Variants in MICU1 observed in about 807,000 individuals in gnomAD.
MICU1 encodes calcium uptake protein 1, mitochondrial.
Under a neutral mutation model 56.8 loss-of-function variants are expected in MICU1, and 45 were observed. The observed-to-expected ratio is 0.79, with a 90% CI of 0.62 to 1.02. The LOEUF is 1.02. Among genes scored for constraint, MICU1 ranks in the 50% least tolerant of loss-of-function variants. MICU1 has a pLI of 0.00. For synonymous variants in MICU1, 186 were observed against 195.1 expected (o/e 0.95, Z 0.39); for missense variants, 504 against 587.1 (o/e 0.86, Z 1.46).
intron 8 of MICU1, among the ~76,000 whole-genome samples, chr10:72,429,406 C>T (rs188196848): frequency 0.018 from 2,193 of 122,156 alleles, 47 homozygotes; most frequent in African/African-American, 0.065. Context: ...GGTGACAGAG[C>T]GAGATCCTGC....
intron 8 of MICU1, among the ~76,000 whole-genome samples, chr10:72,474,375 AC>A (rs1203518852): frequency 6.6e-6 from 1 of 152,036 alleles, no homozygotes; most frequent in Admixed American, 6.6e-5. Context: ...TTGTCTCCAG[AC>A]AAAAATACAT....
chr10:72,375,999 T>C, intron 10 of MICU1, 127 bp from the exon 11 acceptor site: 1 of 915,376 alleles, frequency 1.1e-6, no homozygotes. Context: ...TTTAAGAAAA[T>C]GATAAGTTAG....
chr10:72,535,835 C>A (rs1376277501), intron 4 of MICU1, among the ~76,000 whole-genome samples: 1 of 152,110 alleles, frequency 6.6e-6, no homozygotes, highest in Non-Finnish European at 1.5e-5. Context: ...ATGCAAGTCA[C>A]ATGTGTAATT....
chr10:72,476,752 T>C (rs925929734), intron 7 of MICU1, among the ~76,000 whole-genome samples: 2 of 152,170 alleles, frequency 1.3e-5, no homozygotes, highest in African/African-American at 4.8e-5. Context: ...GATTTTGAAA[T>C]TGTCACCTAC....
At chr10:72,369,117 A>T (rs1025926894) in intron 11 of MICU1, among the ~76,000 whole-genome samples, 1 of 151,800 alleles carries the variant, frequency 6.6e-6, no homozygotes, top group East Asian at 1.9e-4. Context: ...GTCTCTAAAA[A>T]TTTTTTTCAA....
chr10:72,406,184 T>C (rs1863624881), intron 10 of MICU1, among the ~76,000 whole-genome samples: 1 of 152,226 alleles, frequency 6.6e-6, no homozygotes, highest in African/African-American at 2.4e-5. Flanking sequence ...ATTTTAATAT[T>C]AGCAGCAAAC....
intron 1 of MICU1, among the ~76,000 whole-genome samples, chr10:72,614,512 T>C (rs891901693): frequency 6.6e-6 from 1 of 152,196 alleles, no homozygotes; most frequent in Non-Finnish European, 1.5e-5. Flanking sequence ...ATGTGACACA[T>C]ACATACAAGG....
At chr10:72,369,169 T>G (rs964009161) in intron 11 of MICU1, among the ~76,000 whole-genome samples, 6 of 151,978 alleles carry the variant, frequency 3.9e-5, no homozygotes, top group African/African-American at 1.2e-4. Context: ...TCCCAGCTAC[T>G]TGGGAGGCTA....
At chr10:72,498,311 C>T (rs556046856) in intron 6 of MICU1, among the ~76,000 whole-genome samples, 4 of 152,198 alleles carry the variant, frequency 2.6e-5, no homozygotes, top group Non-Finnish European at 5.9e-5. Flanking sequence ...CTGGGCCGGG[C>T]ACAGTGGCTC....
chr10:72,453,153 T>C (rs1865350194), intron 8 of MICU1, among the ~76,000 whole-genome samples: 1 of 152,226 alleles, frequency 6.6e-6, no homozygotes, highest in Non-Finnish European at 1.5e-5. Context: ...CCACAATTTA[T>C]TATTTTTCTT....
In MICU1 at chr10:72,368,227, T is replaced by C; in HGVS notation, c.1399A>G (p.Thr467Ala). Residue 467 changes from threonine (T) to alanine (A), a missense_variant, in exon 12 of 12, where the codon ACT (threonine) becomes GCT (alanine). By Grantham distance (58) the Thr-to-Ala change is moderately conservative. Transcript: ENST00000361114. Reference sequence around the variant, plus strand: ...TTGGGTAAAGCGAAGTCCCAGGCAGTTTCCTGTGCACATTTCCACATGGCC... The same window carrying C: ...TTGGGTAAAGCGAAGTCCCAGGCAGCTTCCTGTGCACATTTCCACATGGCC... ...MQAMWKCAQE[T>A]AWDFALPKQ The C allele has an allele frequency of 6.2e-6, 10 of 1,613,718 alleles. No individual in the cohort carries two copies. The highest frequency in any genetic ancestry group is 8.5e-6 in the Non-Finnish European group (10 of 1,179,762).
chr10:72,493,213 CCACA>C (rs1270459008), intron 6 of MICU1, among the ~76,000 whole-genome samples: 4 of 150,822 alleles, frequency 2.7e-5, no homozygotes, highest in African/African-American at 9.8e-5. Flanking sequence ...ACACACACAC[CCACA>C]CACACATACA....
chr10:72,562,147 CTTTT>C lies in MICU1; in HGVS notation c.330+744_330+747del, dbSNP rs533702573. On this transcript the variant is annotated intron_variant, in intron 3 of 11. Coordinates refer to ENST00000361114, the MANE Select transcript of MICU1 (RefSeq NM_001195518.2). Reference sequence around the variant, plus strand: ...GCAGGTTGTGTTAATTACATAAAATCTTTTTTTTTTTTTTTTTTTTTTTTGAGAC... The same window carrying C: ...GCAGGTTGTGTTAATTACATAAAATCTTTTTTTTTTTTTTTTTTTTGAGAC... 2.4e-5 allele frequency among the ~76,000 whole-genome samples: 2 copies of C among 82,648 alleles called. 1 individual carries two copies. Among genetic ancestry groups the C allele is most frequent in the Non-Finnish European group, 4.4e-5 (2 of 45,672 alleles). The allele number at this position is 82,648 out of a possible 152,430, so 54.2% of individuals were successfully genotyped here.
At chr10:72,372,715 G>A (rs1187240591) in intron 11 of MICU1, among the ~76,000 whole-genome samples, 21 of 151,784 alleles carry the variant, frequency 1.4e-4, no homozygotes, top group Non-Finnish European at 7.4e-5. Context: ...GATGGTGGGC[G>A]CCTGTGATCC....
chr10:72,508,325 T>C (rs375824131), intron 5 of MICU1, 56 bp from the exon 6 acceptor site: 2 of 702,920 alleles, frequency 2.8e-6, no homozygotes, highest in East Asian at 5.7e-5. Flanking sequence ...AATTAGAATA[T>C]AAATAGTAAG....
intron 10 of MICU1, among the ~76,000 whole-genome samples, chr10:72,382,137 G>C (rs1862731761): frequency 6.6e-6 from 1 of 151,234 alleles, no homozygotes. Context: ...TTTTGAGACA[G>C]TCTTGCTCTG....
intron 5 of MICU1, among the ~76,000 whole-genome samples, chr10:72,517,508 G>A (rs190582579): frequency 1.8e-4 from 28 of 152,222 alleles, no homozygotes; most frequent in African/African-American, 5.3e-4. Flanking sequence ...TATTATAAAC[G>A]AAGTAACTCA....
chr10:72,591,043 T>C (rs1206758594), intron 1 of MICU1, among the ~76,000 whole-genome samples: 1 of 152,016 alleles, frequency 6.6e-6, no homozygotes, highest in African/African-American at 2.4e-5. Flanking sequence ...ATAAATTATC[T>C]TTTCTGACCA....
chr10:72,442,806 G>T (rs1228822811), intron 8 of MICU1, among the ~76,000 whole-genome samples: 2 of 152,122 alleles, frequency 1.3e-5, no homozygotes, highest in Non-Finnish European at 2.9e-5. Context: ...CACCAGGCTA[G>T]AGTGCAGTGG....
Sources: gnomAD v4.1 joint callset for allele counts (sites outside exome capture counted in the v4.1 genomes callset) on GRCh38, gnomAD v4.1.1 for gene constraint, MANE v1.5 for transcripts, NCBI Gene and HGNC (gene_info 2026-07-23, HGNC 2026-07-21) for gene names.